MEI4: variants seen among roughly 807,000 people sequenced by gnomAD.
MEI4 encodes the protein meiotic double-stranded break formation protein 4.
In MEI4, 27 loss-of-function variants were observed where a neutral mutation model predicts 31.4. The observed-to-expected ratio is 0.86, with a 90% CI of 0.63 to 1.19. The LOEUF is 1.19. MEI4 is among the 50% of genes most tolerant of loss of function. The probability of loss-of-function intolerance (pLI) is 0.00; values close to 1 mark genes in which losing one functional copy is unlikely to be tolerated. For synonymous variants in MEI4, 122 were observed against 145.4 expected, an observed-to-expected ratio of 0.84 and a Z score of 1.16; for missense variants, 329 against 398.9, an observed-to-expected ratio of 0.82 and a Z score of 1.49.
intron 4 of MEI4, among the ~76,000 whole-genome samples, chr6:77,909,957 C>A (rs1766393335): frequency 6.6e-6 from 1 of 152,084 alleles, no homozygotes; most frequent in East Asian, 1.9e-4. Flanking sequence ...AAGACAAAAA[C>A]CACATGATTA....
At chr6:77,653,169 A>C (rs1054248853) in intron 1 of MEI4, among the ~76,000 whole-genome samples, 77 bp downstream of exon 1, 12 of 152,138 alleles carry the variant, frequency 7.9e-5, no homozygotes, top group African/African-American at 2.9e-4. Flanking sequence ...ACTTTCAAAA[A>C]CCAAGGCTTC....
At chr6:77,908,747 C>A (rs1766359532) in intron 4 of MEI4, among the ~76,000 whole-genome samples, 1 of 151,936 alleles carries the variant, frequency 6.6e-6, no homozygotes, top group Non-Finnish European at 1.5e-5. Context: ...TCAAAAGAGA[C>A]AAAGAAGGCC....
chr6:77,789,116 C>T (rs554713339), intron 3 of MEI4, among the ~76,000 whole-genome samples: 2 of 152,216 alleles, frequency 1.3e-5, no homozygotes. Flanking sequence ...CTACAACTAT[C>T]TGACCTTTGA....
intron 2 of MEI4, among the ~76,000 whole-genome samples, chr6:77,729,493 G>C (rs1766915961): frequency 6.6e-6 from 1 of 152,204 alleles, no homozygotes; most frequent in East Asian, 1.9e-4. Flanking sequence ...TTTCCAAAAA[G>C]TAAGTCAGTC....
In MEI4 at chr6:77,865,425, C is replaced by G. The variant is rs142022573; in HGVS notation, c.900+36363C>G. On this transcript the variant is annotated intron_variant, in intron 4 of 4. Coordinates refer to ENST00000684080, the MANE Select transcript of MEI4 (RefSeq NM_001322247.2). ...ACCGGCAATCCCACAGAAATTCAAA[C>G]TACCATCAGAGAATACTATAAACAC... Among the ~76,000 whole-genome samples, 77 of 152,282 alleles carry G rather than the reference C, an allele frequency of 5.1e-4. 1 individual carries two copies. The highest frequency in any genetic ancestry group is 1.8e-3 in the African/African-American group (75 of 41,566).
chr6:77,732,128 T>G (rs994251729), intron 2 of MEI4, among the ~76,000 whole-genome samples: 3 of 151,452 alleles, frequency 2.0e-5, no homozygotes, highest in Admixed American at 6.6e-5. Context: ...TTTGGTTCCA[T>G]ATGAACTTGA....
intron 4 of MEI4, among the ~76,000 whole-genome samples, chr6:77,899,534 C>T (rs148527050): frequency 6.6e-6 from 1 of 152,152 alleles, no homozygotes; most frequent in Admixed American, 6.6e-5. Context: ...GCTTCAGTAT[C>T]GAGGCTCATT....
At chr6:77,850,431 A>T (rs1562011616) in intron 4 of MEI4, among the ~76,000 whole-genome samples, 1 of 152,194 alleles carries the variant, frequency 6.6e-6, no homozygotes, top group Non-Finnish European at 1.5e-5. Context: ...CTGGTACCAA[A>T]ACAGAGATAG....
chr6:77,746,636 GGCGTGT>G (rs869109787), intron 2 of MEI4, among the ~76,000 whole-genome samples: 1,224 of 115,160 alleles, frequency 0.011, 6 homozygotes, highest in African/African-American at 0.013. Context: ...TAAAATATAT[GGCGTGT>G]GTGTGTGTGT....
At chr6:77,711,066 G>A (rs1766454537) in intron 2 of MEI4, among the ~76,000 whole-genome samples, 1 of 152,068 alleles carries the variant, frequency 6.6e-6, no homozygotes, top group Non-Finnish European at 1.5e-5. Context: ...GTGAGATGAT[G>A]CCATATTTTC....
intron 3 of MEI4, among the ~76,000 whole-genome samples, chr6:77,800,222 G>T (rs1272981839): frequency 1.3e-5 from 2 of 152,024 alleles, no homozygotes; most frequent in African/African-American, 4.8e-5. Context: ...TACCTTGTAA[G>T]TTGGATTCCT....
Position 77,822,906 on chromosome 6 carries a change from G to A in MEI4, c.769-6025G>A, listed in dbSNP as rs138161183. On this transcript the variant is annotated intron_variant, in intron 3 of 4. Coordinates refer to ENST00000684080, the MANE Select transcript of MEI4 (RefSeq NM_001322247.2). ...CAAAGTGCTGGGATTACAGGTGTGA[G>A]CCCTAACATAAGCAGAAGTAACTAC... Among the ~76,000 whole-genome samples the A allele has an allele frequency of 6.4e-3, 978 of 152,124 alleles. 3 individuals are homozygous for A. The highest frequency in any genetic ancestry group is 0.01 in the Non-Finnish European group (701 of 68,002).
intron 4 of MEI4, among the ~76,000 whole-genome samples, chr6:77,908,910 C>T (rs572805411): frequency 1.3e-5 from 2 of 152,200 alleles, no homozygotes; most frequent in African/African-American, 4.8e-5. Context: ...TAATGGGAGA[C>T]TTTAACACCC....
chr6:77,713,830 G>T (rs1373007623), intron 2 of MEI4, among the ~76,000 whole-genome samples: 2 of 152,072 alleles, frequency 1.3e-5, no homozygotes, highest in Non-Finnish European at 2.9e-5. Flanking sequence ...TCTGTCATCT[G>T]TTAAACATCA....
chr6:77,859,981 A>T (rs1770830341), intron 4 of MEI4, among the ~76,000 whole-genome samples: 1 of 152,206 alleles, frequency 6.6e-6, no homozygotes, highest in Admixed American at 6.5e-5. Flanking sequence ...TGATCTCAGG[A>T]TATTATTAAA....
At chr6:77,895,747 A>G (rs982387451) in intron 4 of MEI4, among the ~76,000 whole-genome samples, 8 of 152,244 alleles carry the variant, frequency 5.3e-5, no homozygotes, top group Admixed American at 3.3e-4. Context: ...AAAGTACCCA[A>G]TAAATATTTG....
chr6:77,700,578 A>G (rs1967490), intron 2 of MEI4, among the ~76,000 whole-genome samples: 113,104 of 152,160 alleles, frequency 0.74, 42,374 homozygotes, highest in East Asian at 0.86. Flanking sequence ...TTCGGCTCAC[A>G]TACGGTGTGC....
chr6:77,813,880 T>C (rs978835158), intron 3 of MEI4, among the ~76,000 whole-genome samples: 1 of 152,160 alleles, frequency 6.6e-6, no homozygotes, highest in African/African-American at 2.4e-5. Context: ...TGGACCTATC[T>C]GTATATTTCA....
At chr6:77,843,706 T>C (rs34588268) in intron 4 of MEI4, among the ~76,000 whole-genome samples, 8,942 of 152,062 alleles carry the variant, frequency 0.059, 394 homozygotes, top group Non-Finnish European at 0.094. Context: ...CTTTCTAATT[T>C]CAGAAGACAT....
Sources: allele counts gnomAD v4.1 joint callset (sites outside exome capture counted in the v4.1 genomes callset), GRCh38; gene constraint gnomAD v4.1.1; transcripts MANE v1.5; gene names NCBI Gene and HGNC (gene_info 2026-07-23, HGNC 2026-07-21).